Variants in VWA5B1 observed in about 807,000 individuals in gnomAD.
VWA5B1 encodes the protein von Willebrand factor A domain containing 5B1.
Under a neutral mutation model 118.2 loss-of-function variants are expected in VWA5B1, and 115 were observed. The observed-to-expected ratio is 0.97, with a 90% confidence interval of 0.84 to 1.14. The LOEUF is 1.14. Among genes scored for constraint, VWA5B1 ranks in the 50% most tolerant of loss-of-function variants. The probability of loss-of-function intolerance (pLI) is 0.00; values close to 1 mark genes in which losing one functional copy is unlikely to be tolerated. For missense variants in VWA5B1, 1,596 were observed against 1,603.8 expected (o/e 1.00, Z 0.08); for synonymous variants, 682 against 658.4 (o/e 1.04, Z -0.55).
intron 14 of VWA5B1, 77 bp downstream of exon 14, chr1:20,337,913 G>A (rs891701226): frequency 1.4e-5 from 21 of 1,527,920 alleles, no homozygotes; most frequent in Middle Eastern, 1.7e-4. Flanking sequence ...TGCTTCAACC[G>A]CAGGACGTGG....
intron 18 of VWA5B1, among the ~76,000 whole-genome samples, chr1:20,349,625 C>T (rs560227924): frequency 3.8e-4 from 58 of 151,812 alleles, no homozygotes; most frequent in Middle Eastern, 3.4e-3. Flanking sequence ...TCAAATGGTT[C>T]ATCACCTTGG....
chr1:20,323,382 C>T lies in VWA5B1; in HGVS notation c.993C>T (p.His331=). The part of the protein sequence containing the change: ...RKTEIIRKRL[H]KDIPHHSVIM... ...CAGAAATCATTCGAAAACGCCTCCA[C>T]AAAGACATTCCCCACCACTCCGTCA... The change falls in exon 8 of 22, where the codon CAC becomes CAT. Residue 331 remains histidine (H), a synonymous_variant. Transcript: ENST00000289815. The T allele has an allele frequency of 2.0e-6, 3 of 1,510,334 alleles. No individual in the cohort carries two copies. Among genetic ancestry groups the T allele is most frequent in the Non-Finnish European group, 2.7e-6 (3 of 1,129,054 alleles). The allele number at this position is 1,510,334 out of a possible 1,614,324, so 93.6% of individuals were successfully genotyped here. A position where few individuals can be genotyped will look rare whatever the true frequency, so the allele number is the denominator to read the frequency against.
intron 14 of VWA5B1, among the ~76,000 whole-genome samples, chr1:20,340,573 T>G (rs2100979039): frequency 6.6e-6 from 1 of 152,340 alleles, no homozygotes; most frequent in Non-Finnish European, 1.5e-5. Context: ...ACTGTTGGCC[T>G]AAAAAACTGT....
chr1:20,343,465 C>A, intron 16 of VWA5B1, 72 bp downstream of exon 16: 1 of 1,444,776 alleles, frequency 6.9e-7, no homozygotes, highest in Non-Finnish European at 9.1e-7. Context: ...AGCCGCTCCC[C>A]CTTCCCCACC....
In VWA5B1 at chr1:20,354,312, T is replaced by C; in HGVS notation, c.*49T>C. On this transcript the variant is annotated 3_prime_UTR_variant, in exon 22 of 22. Transcript: ENST00000289815. ...GAGGGAAGGGTGGGGAGGAGAGGGA[T>C]GGGCAGGGCCATGTCGGCCTGGTTT... 1.5e-6 allele frequency: 2 copies of C among 1,347,580 alleles called. No individual in the cohort carries two copies. The highest frequency in any genetic ancestry group is 2.0e-6 in the Non-Finnish European group (2 of 991,592). 83.5% of individuals were successfully genotyped at this position (1,347,580 alleles called of 1,614,324 possible). A position where few individuals can be genotyped will look rare whatever the true frequency, so the allele number is the denominator to read the frequency against.
chr1:20,342,779 C>G (rs2089910288), intron 15 of VWA5B1, among the ~76,000 whole-genome samples, 170 bp downstream of exon 15: 1 of 152,192 alleles, frequency 6.6e-6, no homozygotes, highest in South Asian at 2.1e-4. Flanking sequence ...TCCCAGTCAC[C>G]CTGGTTCTTG....
At chr1:20,291,526 C>G (rs2088305447) in intron 1 of VWA5B1, among the ~76,000 whole-genome samples, 1 of 151,670 alleles carries the variant, frequency 6.6e-6, no homozygotes, top group African/African-American at 2.4e-5. Flanking sequence ...TCTCTCTCTT[C>G]TCTCTGCCTC....
At chr1:20,313,161 T>A (rs758910191) in intron 3 of VWA5B1, among the ~76,000 whole-genome samples, 173 bp downstream of exon 3, 4 of 152,196 alleles carry the variant, frequency 2.6e-5, no homozygotes, top group Non-Finnish European at 5.9e-5. Context: ...AATAATGAAC[T>A]TCTCTGAACC....
chr1:20,317,149 G>C (rs556650208), intron 4 of VWA5B1, among the ~76,000 whole-genome samples: 9,105 of 116,652 alleles, frequency 0.078, 334 homozygotes, highest in Middle Eastern at 0.11. Flanking sequence ...GAGCAAGACT[G>C]CATCTCAAAA....
intron 14 of VWA5B1, chr1:20,338,328 G>A (rs1557435448): frequency 3.1e-6 from 1 of 319,550 alleles, no homozygotes; most frequent in Admixed American, 4.2e-5. Flanking sequence ...ATTTACCCAG[G>A]GCAGAGAGGA....
chr1:20,318,281 G>A (rs2089088540), intron 5 of VWA5B1: 2 of 409,850 alleles, frequency 4.9e-6, no homozygotes, highest in East Asian at 1.1e-4. Context: ...CCCTCCGACG[G>A]AGCGCTGAGA....
chr1:20,329,883 G>A (rs1402260845), intron 9 of VWA5B1, among the ~76,000 whole-genome samples: 1 of 152,188 alleles, frequency 6.6e-6, no homozygotes, highest in South Asian at 2.1e-4. Context: ...GAAACCTCAT[G>A]TGTGCTAAGG....
chr1:20,329,244 T>A (rs564528035), intron 9 of VWA5B1, among the ~76,000 whole-genome samples: 1 of 151,944 alleles, frequency 6.6e-6, no homozygotes, highest in South Asian at 2.1e-4. Flanking sequence ...TTAAGACTTT[T>A]GAAACATGCC....
At chr1:20,342,669 T>TC (rs2089908089) in intron 15 of VWA5B1, 60 bp downstream of exon 15, 2 of 1,438,502 alleles carry the variant, frequency 1.4e-6, no homozygotes, top group Admixed American at 6.1e-5. Flanking sequence ...TGGCTGTTGT[T>TC]CAACTTCAGA....
chr1:20,335,027 G>A (rs145995975), intron 12 of VWA5B1, among the ~76,000 whole-genome samples: 538 of 152,234 alleles, frequency 3.5e-3, no homozygotes, highest in Non-Finnish European at 5.9e-3. Context: ...AATGGTTGAG[G>A]CCAGGCCATG....
rs1182012480 is a variant in VWA5B1, at chr1:20,354,594, G to C, written c.*331G>C. 3.6e-5 allele frequency: 12 copies of C among 330,524 alleles called. No individual in the cohort carries two copies. The highest frequency in any genetic ancestry group is 3.9e-5 in the Non-Finnish European group (7 of 178,928). 20.5% of individuals were successfully genotyped at this position (330,524 alleles called of 1,614,324 possible). A position where few individuals can be genotyped will look rare whatever the true frequency, so the allele number is the denominator to read the frequency against. On this transcript the variant is annotated 3_prime_UTR_variant, in exon 22 of 22. Coordinates refer to ENST00000289815, the MANE Select transcript of VWA5B1 (RefSeq NM_001039500.3). ...CAGTCCCGGGCTGACTGCTGCTGGG[G>C]CTGGCGAGGGAAGATGCAGTGGAAG...
intron 1 of VWA5B1, among the ~76,000 whole-genome samples, chr1:20,308,275 C>A (rs900050801): frequency 3.3e-5 from 5 of 152,154 alleles, no homozygotes; most frequent in African/African-American, 1.2e-4. Context: ...CGTCTGTTAT[C>A]AGATGAGATG....
At chr1:20,349,626 A>G (rs926082197) in intron 18 of VWA5B1, among the ~76,000 whole-genome samples, 2 of 151,528 alleles carry the variant, frequency 1.3e-5, no homozygotes, top group Non-Finnish European at 2.9e-5. Context: ...CAAATGGTTC[A>G]TCACCTTGGC....
rs1286634207 is a variant in VWA5B1 at position 20,327,871 on chromosome 1, C to T, written c.1144-19C>T. The stretch of plus-strand genomic sequence containing the variant: ...AGAACTCCTTCCTGAATCCTGAAAA[C>T]CCCTTTCTCTCCTGCCAGGATGCCA... On this transcript the variant is annotated intron_variant, in intron 8 of 21. Transcript: ENST00000289815. 6.5e-7 allele frequency: 1 copy of T among 1,547,534 alleles called. No individual in the cohort carries two copies. The highest frequency in any genetic ancestry group is 8.7e-7 in the Non-Finnish European group (1 of 1,143,340).
Sources: allele counts gnomAD v4.1 joint callset (sites outside exome capture counted in the v4.1 genomes callset), GRCh38; gene constraint gnomAD v4.1.1; transcripts MANE v1.5; gene names NCBI Gene and HGNC (gene_info 2026-07-23, HGNC 2026-07-21).